RALGPS1: variants seen among roughly 807,000 people sequenced by gnomAD.
RALGPS1 encodes Ral GEF with PH domain and SH3 binding motif 1, also known as ras-specific guanine nucleotide-releasing factor RalGPS1.
A neutral mutation model predicts 78.8 loss-of-function variants in RALGPS1; 19 were observed. The ratio of observed to expected loss-of-function variants is 0.24; its 90% confidence interval spans 0.17 to 0.35. The LOEUF is 0.35. RALGPS1 is among the 10% of genes least tolerant of loss of function. The pLI is 1.00. For missense variants in RALGPS1, 454 were observed against 688.3 expected (o/e 0.66, Z 3.81); for synonymous variants, 228 against 256.3 (o/e 0.89, Z 1.06).
chr9:127,184,285 G>T lies in RALGPS1; in HGVS notation c.910+9503G>T, dbSNP rs77965301. 2.0e-3 allele frequency: 857 copies of T among 430,806 alleles called. 18 individuals are homozygous for T. In the East Asian group the frequency reaches 0.041, roughly 21 times the overall value. 26.7% of individuals were successfully genotyped at this position (430,806 alleles called of 1,614,324 possible). On this transcript the variant is annotated intron_variant, in intron 11 of 18. Transcript: ENST00000259351. The stretch of plus-strand genomic sequence containing the variant: ...CAGTGAGCCGTGATCGCGCCACCGC[G>T]CTCCAGCTTGGGTGACAGAGCAAGA...
At chr9:127,145,420 C>T (rs1163310454) in intron 8 of RALGPS1, among the ~76,000 whole-genome samples, 2 of 152,214 alleles carry the variant, frequency 1.3e-5, no homozygotes, top group East Asian at 3.8e-4. Flanking sequence ...TCTGAGGTAT[C>T]CTGGTTGGGC....
intron 8 of RALGPS1, among the ~76,000 whole-genome samples, chr9:127,110,633 C>T (rs1359856881): frequency 1.3e-5 from 2 of 152,182 alleles, no homozygotes; most frequent in African/African-American, 2.4e-5. Flanking sequence ...GAAATGAACT[C>T]GTTTTTCCCC....
chr9:127,045,756 CACACAT>C (rs1431638770), intron 5 of RALGPS1, among the ~76,000 whole-genome samples: 169 of 44,370 alleles, frequency 3.8e-3, no homozygotes, highest in South Asian at 7.9e-3. Flanking sequence ...CACACACACA[CACACAT>C]ACACACACAC....
intron 1 of RALGPS1, among the ~76,000 whole-genome samples, chr9:126,926,772 A>G (rs1265681091): frequency 6.6e-6 from 1 of 152,008 alleles, no homozygotes; most frequent in Non-Finnish European, 1.5e-5. Context: ...CAGGAGTGGG[A>G]TGATGGGGTC....
chr9:127,049,486 A>G (rs2048109430), intron 5 of RALGPS1, among the ~76,000 whole-genome samples: 1 of 152,214 alleles, frequency 6.6e-6, no homozygotes, highest in Admixed American at 6.5e-5. Flanking sequence ...ACTTTGAAAG[A>G]GATACTTCCA....
chr9:127,042,633 C>G (rs1432861534), intron 5 of RALGPS1, among the ~76,000 whole-genome samples: 1 of 152,142 alleles, frequency 6.6e-6, no homozygotes, highest in Non-Finnish European at 1.5e-5. Flanking sequence ...CTCTCTTATC[C>G]GTTCTGTACA....
intron 1 of RALGPS1, among the ~76,000 whole-genome samples, chr9:126,960,501 T>C (rs1564311176): frequency 6.6e-6 from 1 of 151,958 alleles, no homozygotes; most frequent in East Asian, 1.9e-4. Flanking sequence ...CCCAAAGTGC[T>C]GGGATTACAG....
At chr9:127,090,936 CTT>C (rs1406721650) in intron 8 of RALGPS1, among the ~76,000 whole-genome samples, 2 of 152,154 alleles carry the variant, frequency 1.3e-5, no homozygotes, top group Non-Finnish European at 2.9e-5. Flanking sequence ...GTTTTTTTCT[CTT>C]GTTTTTTGTT....
At position 126,940,416 on chromosome 9, in the gene RALGPS1, T is replaced by C. The variant is rs193203950; in HGVS notation, c.-65-21809T>C. On this transcript the variant is annotated intron_variant, in intron 1 of 18. Transcript: ENST00000259351. ...TGTACTTTTCTTCAGTCCCTGTCCA[T>C]TGGGCAGGTGTATGTATATATATAA... Among the ~76,000 whole-genome samples, 265 of 151,580 alleles carry C rather than the reference T, an allele frequency of 1.7e-3. 3 individuals carry two copies. The highest frequency in any genetic ancestry group is 5.2e-4 in the Non-Finnish European group (35 of 67,952).
chr9:127,195,281 G>T, intron 12 of RALGPS1, 64 bp downstream of exon 12: 1 of 1,572,824 alleles, frequency 6.4e-7, no homozygotes. Context: ...CCTGGGCACA[G>T]TGCAGGGAAT....
intron 5 of RALGPS1, among the ~76,000 whole-genome samples, chr9:127,047,220 A>T (rs1471119863): frequency 6.6e-6 from 1 of 152,228 alleles, no homozygotes; most frequent in Non-Finnish European, 1.5e-5. Context: ...CAGCATTATT[A>T]CAACAAAATT....
At chr9:127,048,459 C>T (rs976697407) in intron 5 of RALGPS1, among the ~76,000 whole-genome samples, 1 of 152,150 alleles carries the variant, frequency 6.6e-6, no homozygotes, top group Non-Finnish European at 1.5e-5. Flanking sequence ...AGGATTCTGC[C>T]TCCTCCTTTG....
chr9:126,977,625 CTGTA>C (rs2040798259), intron 3 of RALGPS1, 66 bp from the exon 4 acceptor site: 1 of 1,103,382 alleles, frequency 9.1e-7, no homozygotes, highest in Admixed American at 2.1e-5. Flanking sequence ...GTATATGACT[CTGTA>C]TAAAGTAACA....
intron 12 of RALGPS1, 123 bp from the exon 13 acceptor site, chr9:127,196,351 C>T (rs1485624928): frequency 1.4e-5 from 15 of 1,093,380 alleles, no homozygotes; most frequent in Non-Finnish European, 1.8e-5. Context: ...TGGGCTGTAC[C>T]GTGGCTCTGG....
intron 8 of RALGPS1, among the ~76,000 whole-genome samples, chr9:127,138,385 C>T (rs2057541275): frequency 6.6e-6 from 1 of 152,156 alleles, no homozygotes; most frequent in Admixed American, 6.5e-5. Context: ...GCTTATTGAG[C>T]ACTGTGGCCA....
chr9:127,078,590 G>A (rs2050890071), intron 8 of RALGPS1, among the ~76,000 whole-genome samples: 3 of 152,302 alleles, frequency 2.0e-5, no homozygotes, highest in South Asian at 4.1e-4. Context: ...GCACTAGGTG[G>A]AAAGTCTTGT....
chr9:127,100,408 T>C (rs576822072), intron 8 of RALGPS1, among the ~76,000 whole-genome samples: 1 of 152,322 alleles, frequency 6.6e-6, no homozygotes, highest in East Asian at 1.9e-4. Context: ...AGCACTACTT[T>C]CCAGAGGCCA....
chr9:127,199,158 C>G (rs1431353141), intron 14 of RALGPS1, 92 bp downstream of exon 14: 2 of 1,163,844 alleles, frequency 1.7e-6, no homozygotes, highest in East Asian at 4.7e-5. Flanking sequence ...CGGGCCCTGC[C>G]CCACCCACCC....
chr9:126,952,673 G>GTGTGTGTGTGTGTGTGTC (rs771422718), intron 1 of RALGPS1, among the ~76,000 whole-genome samples: 16 of 106,902 alleles, frequency 1.5e-4, no homozygotes, highest in Non-Finnish European at 3.7e-4. Context: ...GTGTGTGTGT[G>GTGTGTGTGTGTGTGTGTC]TGTGTGTCTG....
Sources: allele counts gnomAD v4.1 joint callset (sites outside exome capture counted in the v4.1 genomes callset), GRCh38; gene constraint gnomAD v4.1.1; transcripts MANE v1.5; gene names NCBI Gene and HGNC (gene_info 2026-07-23, HGNC 2026-07-21).